The following TET3 variants were observed in gnomAD, a reference collection of about 807,000 sequenced individuals.
TET3 encodes methylcytosine dioxygenase TET3.
TET3 carries 19 observed loss-of-function variants against 141.4 expected under a neutral mutation model. The ratio of observed to expected loss-of-function variants is 0.13; its 90% confidence interval spans 0.09 to 0.20. The LOEUF is 0.20. Ranked by LOEUF, TET3 falls within the 10% of genes least tolerant of loss-of-function variation. The pLI, the probability that TET3 is intolerant of heterozygous loss-of-function variation, is 1.00. For synonymous variants in TET3, 1,043 were observed against 980.9 expected (o/e 1.06, Z -1.18); for missense variants, 1,874 against 2,356.9 (o/e 0.80, Z 4.24).
intron 3 of TET3, among the ~76,000 whole-genome samples, chr2:74,022,280 A>G (rs905430116): frequency 3.3e-5 from 5 of 151,866 alleles, no homozygotes; most frequent in East Asian, 1.9e-4. Context: ...CTTTGTGAAT[A>G]TATTTTTATT....
At chr2:74,000,901 C>T (rs953741950) in intron 2 of TET3, among the ~76,000 whole-genome samples, 2 of 152,116 alleles carry the variant, frequency 1.3e-5, no homozygotes, top group Non-Finnish European at 2.9e-5. Flanking sequence ...CTGTGGCAGC[C>T]GCTGCAGCAA....
chr2:74,099,467 C>A lies in TET3; in HGVS notation c.3459C>A (p.Pro1153=). The A allele has an allele frequency of 6.2e-7, 1 of 1,613,706 alleles. No individual in the cohort carries two copies. Among genetic ancestry groups the A allele is most frequent in the Non-Finnish European group, 8.5e-7 (1 of 1,179,824 alleles). Reference sequence around the variant, plus strand: ...TCCCCCGCGAGGTCCGACGCCTGCCCGAGCCTGCCAAGTCCTGCCGCCAGC... The same window carrying A: ...TCCCCCGCGAGGTCCGACGCCTGCCAGAGCCTGCCAAGTCCTGCCGCCAGC... ...TAFPREVRRL[P]EPAKSCRQRQ... is the part of the protein sequence containing the mutation. The change falls in exon 11 of 12, where the codon CCC becomes CCA. Residue 1153 remains proline (P), a synonymous_variant. Transcript: ENST00000409262.
At chr2:74,112,066 A>C (rs1558809054), downstream of TET3, among the ~76,000 whole-genome samples, 1 of 152,186 alleles carries the variant, frequency 6.6e-6, no homozygotes, top group African/African-American at 2.4e-5. Flanking sequence ...ACCAAAGCCA[A>C]TCTCCTTACT....
chr2:74,065,960 T>G (rs1355403884), intron 4 of TET3, among the ~76,000 whole-genome samples: 4 of 152,128 alleles, frequency 2.6e-5, no homozygotes, highest in African/African-American at 9.7e-5. Flanking sequence ...GGTTTCACTG[T>G]GGTAGCCAAA....
intron 3 of TET3, among the ~76,000 whole-genome samples, chr2:74,033,556 G>A (rs768678513): frequency 2.6e-5 from 4 of 152,122 alleles, no homozygotes; most frequent in Admixed American, 6.5e-5. Context: ...ACAGGCATAC[G>A]TTGGAGATAC....
chr2:74,127,139 C>T, the TET3 span, among the ~76,000 whole-genome samples: 1 of 152,152 alleles, frequency 6.6e-6, no homozygotes, highest in African/African-American at 2.4e-5. Flanking sequence ...ATTATTGGCT[C>T]ATCTCATAAA....
chr2:74,117,570 G>A, the TET3 span, among the ~76,000 whole-genome samples: 2 of 151,984 alleles, frequency 1.3e-5, no homozygotes, highest in Non-Finnish European at 2.9e-5. Context: ...CAAATTTATA[G>A]AAAATTTGCA....
At chr2:74,121,465 T>C in the TET3 span, 1 of 152,198 alleles carries the variant, frequency 6.6e-6, no homozygotes, top group Non-Finnish European at 1.5e-5. Flanking sequence ...ATAAAAACTT[T>C]CAAGTCAGAG....
chr2:73,996,247 C>T (rs1441691101), intron 2 of TET3, among the ~76,000 whole-genome samples: 1 of 152,214 alleles, frequency 6.6e-6, no homozygotes, highest in Non-Finnish European at 1.5e-5. Flanking sequence ...CACTCCGTTA[C>T]AGCTCCTTTT....
At chr2:73,989,343 C>T (rs1297803291) in intron 2 of TET3, among the ~76,000 whole-genome samples, 1 of 152,164 alleles carries the variant, frequency 6.6e-6, no homozygotes, top group Non-Finnish European at 1.5e-5. Context: ...TGTGGTACTT[C>T]CTCCTCTCTG....
At chr2:74,053,887 G>GT (rs959650774) in intron 4 of TET3, among the ~76,000 whole-genome samples, 16 of 151,042 alleles carry the variant, frequency 1.1e-4, no homozygotes, top group Non-Finnish European at 1.9e-4. Context: ...TCTTTTAAAT[G>GT]TTTTTTTGAA....
At chr2:74,115,370 G>T in the TET3 span, among the ~76,000 whole-genome samples, 4 of 152,122 alleles carry the variant, frequency 2.6e-5, no homozygotes, top group Non-Finnish European at 5.9e-5. Flanking sequence ...GCTAAGCCAC[G>T]GGATAAAAAG....
chr2:74,053,015 G>C (rs1425437856), intron 4 of TET3, among the ~76,000 whole-genome samples: 1 of 152,190 alleles, frequency 6.6e-6, no homozygotes, highest in African/African-American at 2.4e-5. Context: ...CTGAAGGTCT[G>C]AATGGGACTC....
chr2:74,132,101 A>T, the TET3 span, among the ~76,000 whole-genome samples: 1 of 152,096 alleles, frequency 6.6e-6, no homozygotes, highest in African/African-American at 2.4e-5. Context: ...TCCAGTCAAG[A>T]ACATCTGCTG....
At chr2:74,089,611 A>C (rs1299166013) in intron 7 of TET3, among the ~76,000 whole-genome samples, 1 of 152,200 alleles carries the variant, frequency 6.6e-6, no homozygotes, top group Non-Finnish European at 1.5e-5. Flanking sequence ...ATGGGTTTTT[A>C]CCAGATTCTT....
At chr2:74,092,577 T>TA (rs751245560) in intron 8 of TET3, among the ~76,000 whole-genome samples, 9 of 152,184 alleles carry the variant, frequency 5.9e-5, no homozygotes, top group Non-Finnish European at 1.3e-4. Flanking sequence ...ACCTCTGACC[T>TA]ACGGTGTTCA....
At chr2:74,002,560 C>T (rs1335963112) in intron 2 of TET3, among the ~76,000 whole-genome samples, 1 of 152,058 alleles carries the variant, frequency 6.6e-6, no homozygotes, top group Non-Finnish European at 1.5e-5. Flanking sequence ...CAGCGCGGCT[C>T]AGCAGCACCC....
the TET3 span, among the ~76,000 whole-genome samples, chr2:74,129,336 A>AAC: frequency 6.7e-6 from 1 of 149,218 alleles, no homozygotes; most frequent in Non-Finnish European, 1.5e-5. Context: ...AAAAAAAAAA[A>AAC]AAAAAAAAAA....
At chr2:74,020,896 A>G (rs1283356908) in intron 3 of TET3, among the ~76,000 whole-genome samples, 2 of 152,194 alleles carry the variant, frequency 1.3e-5, no homozygotes, top group Admixed American at 1.3e-4. Flanking sequence ...TGACCGCAGC[A>G]GTAAGCTGTT....
Sources: gnomAD v4.1 joint callset for allele counts (sites outside exome capture counted in the v4.1 genomes callset) on GRCh38, gnomAD v4.1.1 for gene constraint, MANE v1.5 for transcripts, NCBI Gene and HGNC (gene_info 2026-07-23, HGNC 2026-07-21) for gene names.